SLC4A1: variants seen among roughly 807,000 people sequenced by gnomAD.
SLC4A1 encodes the protein solute carrier family 4 member 1 (Diego blood group).
SLC4A1 carries 29 observed loss-of-function variants against 93.1 expected under a neutral mutation model. The ratio of observed to expected loss-of-function variants is 0.31; its 90% CI spans 0.23 to 0.42. The LOEUF is 0.42. Ranked by LOEUF, SLC4A1 falls within the 20% of genes least tolerant of loss-of-function variation. The probability of loss-of-function intolerance (pLI) is 1.00; values close to 1 mark genes in which losing one functional copy is unlikely to be tolerated. For missense variants in SLC4A1, 965 were observed against 1,190.1 expected, an observed-to-expected ratio of 0.81 and a Z score of 2.78; for synonymous variants, 469 against 497.2, an observed-to-expected ratio of 0.94 and a Z score of 0.76.
At chr17:44,257,315 C>G in intron 13 of SLC4A1, 35 bp downstream of exon 13, 1 of 1,600,698 alleles carries the variant, frequency 6.2e-7, no homozygotes, top group South Asian at 1.1e-5. Context: ...TATACACAAC[C>G]TCCCGTGTGC....
chr17:44,263,721 C>CCTTCCTTCCTTCCTTCCTCCATCCCTG (rs2047471051), intron 1 of SLC4A1, among the ~76,000 whole-genome samples: 1 of 145,620 alleles, frequency 6.9e-6, no homozygotes, highest in African/African-American at 2.8e-5. Context: ...TTCCTTCCTT[C>CCTTCCTTCCTTCCTTCCTCCATCCCTG]CTTCCTTCCT....
At position 44,254,464 on chromosome 17, in the gene SLC4A1, CTCCCAGGCCCAG is replaced by C; in HGVS notation, c.2057+20_2057+31del. On this transcript the variant is annotated intron_variant, in intron 16 of 19. Transcript: ENST00000262418. ...CAGGGAAAGGTCCCTGCCTCCCACC[CTCCCAGGCCCAG>C]CCCCCACCCTGTCTCTCACGTGGTG... 1.5e-6 allele frequency: 2 copies of C among 1,350,388 alleles called. No individual in the cohort carries two copies. The highest frequency in any genetic ancestry group is 2.1e-6 in the Non-Finnish European group (2 of 953,588). The allele number at this position is 1,350,388 out of a possible 1,614,324, so 83.7% of individuals were successfully genotyped here.
chr17:44,253,379 A>G lies in SLC4A1; in HGVS notation c.2058-8T>C. The G allele has an allele frequency of 6.2e-7, 1 of 1,607,824 alleles. No homozygotes were observed. Among genetic ancestry groups the G allele is most frequent in the Non-Finnish European group, 8.5e-7 (1 of 1,175,388 alleles). On this transcript the variant is annotated splice_polypyrimidine_tract_variant and splice_region_variant and intron_variant, in intron 16 of 19. Coordinates refer to ENST00000262418, the MANE Select transcript of SLC4A1 (RefSeq NM_000342.4). ...GGTTTGCTGACAATCAGCCTACGGTAGGGGAAGGTGAGGGGTAAGCAGGGT... is the reference window on the plus strand; with the variant it reads ...GGTTTGCTGACAATCAGCCTACGGTGGGGGAAGGTGAGGGGTAAGCAGGGT...
chr17:44,260,742 C>T lies in SLC4A1; in HGVS notation c.242G>A (p.Trp81Ter). The change falls in exon 5 of 20, where the codon TGG (tryptophan) becomes TAG (stop). Residue 81 changes from tryptophan to a stop codon, truncating the protein, a stop_gained. Transcript: ENST00000262418. LOFTEE classifies it high-confidence loss of function. ...QELRWMEAAR[W>*]VQLEENLGEN... is the part of the protein sequence containing the mutation. The stretch of plus-strand genomic sequence containing the variant: ...CCCCAGGTTCTCCTCCAGTTGCACC[C>T]AGCGCGCCGCCTCCATCCATCTCAG... 6.2e-7 allele frequency: 1 copy of T among 1,614,148 alleles called. No individual in the cohort carries two copies.
At chr17:44,254,212 G>A (rs1404008926) in intron 16 of SLC4A1, among the ~76,000 whole-genome samples, 1 of 152,068 alleles carries the variant, frequency 6.6e-6, no homozygotes, top group African/African-American at 2.4e-5. Flanking sequence ...CTGACCTCAG[G>A]TGATCTGCCC....
chr17:44,254,581 C>T lies in SLC4A1; in HGVS notation c.1972G>A (p.Glu658Lys), dbSNP rs75731670. Reference protein sequence around the residue: ...WVIHPLGLRSEFPIWMMFASA... With the variant: ...WVIHPLGLRSKFPIWMMFASA... ...GCAAACATCATCCAGATGGGAAACT[C>T]GGAACGCAAGCCCAGTGGGTGGATG... Residue 658 changes from glutamate to lysine, a missense_variant, in exon 16 of 20, where the codon GAG becomes AAG. By Grantham distance (56) the Glu-to-Lys change is moderately conservative. Coordinates refer to ENST00000262418, the MANE Select transcript of SLC4A1 (RefSeq NM_000342.4). 3.2e-4 allele frequency: 519 copies of T among 1,614,068 alleles called. No individual in the cohort carries two copies. Among genetic ancestry groups the T allele is most frequent in the Middle Eastern group, 8.2e-4 (5 of 6,062 alleles).
At chr17:44,264,502 T>C (rs1197154852) in intron 1 of SLC4A1, among the ~76,000 whole-genome samples, 1 of 152,176 alleles carries the variant, frequency 6.6e-6, no homozygotes, top group African/African-American at 2.4e-5. Flanking sequence ...GGTTTCTTGA[T>C]TGATTTGTGT....
rs777916348 is a variant in SLC4A1, at chr17:44,251,450, T to C, written c.2450A>G (p.Lys817Arg). ...DRILLLFKPP[K>R]YHPDVPYVKR... ...GACGTAGGGCACATCTGGGTGATACTTGGGTGGCTTGAACAGAAGCAAGAT... is the reference window on the plus strand; with the variant it reads ...GACGTAGGGCACATCTGGGTGATACCTGGGTGGCTTGAACAGAAGCAAGAT... The change falls in exon 18 of 20, where the codon AAG becomes AGG. Residue 817 changes from lysine to arginine, a missense_variant. Physicochemically the swap from Lys to Arg is conservative, Grantham distance 26. Coordinates refer to ENST00000262418, the MANE Select transcript of SLC4A1 (RefSeq NM_000342.4). 1 of 1,614,180 alleles carries C rather than the reference T, an allele frequency of 6.2e-7. No homozygotes were observed. The highest frequency in any genetic ancestry group is 1.1e-5 in the South Asian group (1 of 91,088).
At position 44,258,429 on chromosome 17, in the gene SLC4A1, G is replaced by C. The variant is rs1243523699; in HGVS notation, c.1071C>G (p.Ser357Arg). ...YQSSPAKPDS[S>R]FYKGLDLNGG... ...GGCAGGTACCTAGGCCCTTGTAGAAGCTGGAGTCTGGCTTGGCAGGGCTGG... is the reference window on the plus strand; with the variant it reads ...GGCAGGTACCTAGGCCCTTGTAGAACCTGGAGTCTGGCTTGGCAGGGCTGG... Residue 357 changes from serine (S) to arginine (R), a missense_variant, in exon 10 of 20, where the codon AGC (serine) becomes AGG (arginine). Physicochemically the swap from Ser to Arg is moderately radical, Grantham distance 110. Coordinates refer to ENST00000262418, the MANE Select transcript of SLC4A1 (RefSeq NM_000342.4). The surrounding 1 kb of genome is among the most constrained non-coding windows in gnomAD (Gnocchi z 6.1). 3.1e-6 allele frequency: 5 copies of C among 1,613,988 alleles called. No individual in the cohort carries two copies. The African/African-American group carries it at 6.7e-5, about 22-fold the overall frequency.
At chr17:44,254,407 G>A in intron 16 of SLC4A1, 89 bp downstream of exon 16, 2 of 1,302,160 alleles carry the variant, frequency 1.5e-6, no homozygotes, top group Non-Finnish European at 2.2e-6. Context: ...CTAGCTTGCA[G>A]TCCTGGGTCT....
At chr17:44,263,296 G>T (rs932842412) in intron 1 of SLC4A1, among the ~76,000 whole-genome samples, 1 of 152,106 alleles carries the variant, frequency 6.6e-6, no homozygotes, top group African/African-American at 2.4e-5. Flanking sequence ...GGACCTGCTG[G>T]TCTCTTCTTC....
chr17:44,255,138 G>A (rs113071512), intron 15 of SLC4A1, 69 bp downstream of exon 15: 5 of 1,063,844 alleles, frequency 4.7e-6, no homozygotes, highest in African/African-American at 1.6e-5. Flanking sequence ...TCTAGGGAAG[G>A]GGCATGCTGG....
At position 44,249,171 on chromosome 17, in the gene SLC4A1, C is replaced by G. The variant is rs1598294111; in HGVS notation, c.*1287G>C. ...GCCACTGCGCCCAGCCACCTCCTCT[C>G]TTTTCTACCACTTCCTGATTCTGTT... On this transcript the variant is annotated 3_prime_UTR_variant, in exon 20 of 20. Transcript: ENST00000262418. The G allele has an allele frequency of 2.2e-6, 1 of 455,466 alleles. No individual in the cohort carries two copies. Among genetic ancestry groups the G allele is most frequent in the East Asian group, 7.0e-5 (1 of 14,326 alleles). 28.2% of individuals were successfully genotyped at this position (455,466 alleles called of 1,614,324 possible). A position where few individuals can be genotyped will look rare whatever the true frequency, so the allele number is the denominator to read the frequency against.
At position 44,255,786 on chromosome 17, in the gene SLC4A1, G is replaced by A; in HGVS notation, c.1687C>T (p.Pro563Ser). 6.2e-7 allele frequency: 1 copy of A among 1,614,134 alleles called. No individual in the cohort carries two copies. Among genetic ancestry groups the A allele is most frequent in the Non-Finnish European group, 8.5e-7 (1 of 1,180,024 alleles). ...GCTGTGTTGGGCAGGGGGCCCTGAG[G>A]TTTGGGCACCATCAACACGTTGTAG... ...YNYNVLMVPK[P>S]QGPLPNTALL... The change falls in exon 14 of 20, where the codon CCT becomes TCT. Residue 563 changes from proline (P) to serine (S), a missense_variant. Around this residue, in one of 2 missense-constraint regions of SLC4A1, gnomAD observed 770 missense variants for 1,006.6 expected, o/e 0.76. Coordinates refer to ENST00000262418, the MANE Select transcript of SLC4A1 (RefSeq NM_000342.4).
At chr17:44,265,020 G>A (rs2047483728) in intron 1 of SLC4A1, among the ~76,000 whole-genome samples, 1 of 134,422 alleles carries the variant, frequency 7.4e-6, no homozygotes, top group African/African-American at 2.9e-5. Flanking sequence ...GGGAGGGGGT[G>A]CTGAGCACTG....
chr17:44,250,323 C>T lies in SLC4A1; in HGVS notation c.*135G>A, dbSNP rs566741511. 2.2e-3 allele frequency: 1,635 copies of T among 751,522 alleles called. 26 individuals carry two copies. The South Asian group carries it at 0.023, about 11-fold the overall frequency. 46.6% of individuals were successfully genotyped at this position (751,522 alleles called of 1,614,324 possible). On this transcript the variant is annotated 3_prime_UTR_variant, in exon 20 of 20. Coordinates refer to ENST00000262418, the MANE Select transcript of SLC4A1 (RefSeq NM_000342.4). ...GTCTCCTGGACACGCCTTCCTTCCCCACCCACAGCCCTGGGGCCTCAGCTG... is the reference window on the plus strand; with the variant it reads ...GTCTCCTGGACACGCCTTCCTTCCCTACCCACAGCCCTGGGGCCTCAGCTG...
rs2047401972 is a variant in SLC4A1, at chr17:44,257,701, G to A, written c.1389C>T (p.Gly463=). The A allele has an allele frequency of 1.2e-6, 2 of 1,613,972 alleles. No individual in the cohort carries two copies. The highest frequency in any genetic ancestry group is 1.3e-5 in the African/African-American group (1 of 75,026). The change falls in exon 12 of 20, where the codon GGC becomes GGT. Residue 463 remains glycine, a synonymous_variant. Transcript: ENST00000262418. ...CAAACACCAGCAGGGGTCCTGAGAA[G>A]CCGACCACAAGCAGGGGCTGAGCCC... ...LLGAQPLLVV[G]FSGPLLVFEE...
rs377385417 is a variant in SLC4A1, at chr17:44,254,672, G to A, written c.1891-10C>T. The A allele has an allele frequency of 9.3e-6, 15 of 1,613,482 alleles. No individual in the cohort carries two copies. Among genetic ancestry groups the A allele is most frequent in the African/African-American group, 1.3e-5 (1 of 74,918 alleles). On this transcript the variant is annotated splice_polypyrimidine_tract_variant and intron_variant, in intron 15 of 19. Transcript: ENST00000262418. ...CAGGCACCGAGAGTTTCTGTGGGAG[G>A]GGGTAGCAGGTAAGAATGCCAAGGG...
Position 44,258,103 on chromosome 17 carries a change from G to A in SLC4A1, c.1165C>T (p.Arg389Cys), listed in dbSNP as rs749883402. 2.4e-5 allele frequency: 38 copies of A among 1,613,992 alleles called. No individual in the cohort carries two copies. The highest frequency in any genetic ancestry group is 2.9e-5 in the Non-Finnish European group (34 of 1,180,026). Residue 389 changes from arginine (R) to cysteine (C), a missense_variant, in exon 11 of 20, where the codon CGC (arginine) becomes TGC (cysteine). By Grantham distance (180) the Arg-to-Cys change is radical (BLOSUM62 -3). Around this residue, in one of 2 missense-constraint regions of SLC4A1, gnomAD observed 770 missense variants for 1,006.6 expected, o/e 0.76. Transcript: ENST00000262418. The surrounding 1 kb of genome is among the most constrained non-coding windows in gnomAD (Gnocchi z 6.1). ...FGGLVRDIRRRYPYYLSDITD... is the reference protein window; with the variant it reads ...FGGLVRDIRRCYPYYLSDITD... ...ATGTCACTCAGGTAATAGGGGTAGC[G>A]GCGCCGGATATCACGCACCAGGCCC...
Sources: allele counts gnomAD v4.1 joint callset (sites outside exome capture counted in the v4.1 genomes callset), GRCh38; gene constraint gnomAD v4.1.1; regional missense constraint gnomAD v4.1.1; non-coding constraint Gnocchi (gnomAD v3.1); transcripts MANE v1.5; gene names NCBI Gene and HGNC (gene_info 2026-07-23, HGNC 2026-07-21).